CPNE7: variants seen among roughly 807,000 people sequenced by gnomAD.
CPNE7 encodes the protein copine 7, also known as copine-7.
CPNE7 carries 78 observed loss-of-function variants against 66.5 expected under a neutral mutation model. The observed-to-expected ratio is 1.17, with a 90% CI of 0.98 to 1.42. The LOEUF is 1.42. CPNE7 is among the 40% of genes most tolerant of loss of function. The pLI is 0.00. For synonymous variants in CPNE7, 468 were observed against 336.7 expected, an observed-to-expected ratio of 1.39 and a Z score of -4.27; for missense variants, 1,012 against 776.6, an observed-to-expected ratio of 1.30 and a Z score of -3.60.
At chr16:89,587,674 C>T (rs1350256498) in intron 9 of CPNE7, 3 of 410,086 alleles carry the variant, frequency 7.3e-6, no homozygotes, top group East Asian at 7.7e-5. Flanking sequence ...CCCGCAGACC[C>T]CGCGTCACCC....
intron 2 of CPNE7, among the ~76,000 whole-genome samples, chr16:89,579,223 C>G (rs956992373): frequency 6.6e-6 from 1 of 151,076 alleles, no homozygotes; most frequent in African/African-American, 2.4e-5. Context: ...ACCTGGGAGG[C>G]AGAGGTTTCA....
At chr16:89,583,886 G>A (rs1176427608) in intron 3 of CPNE7, 115 bp downstream of exon 3, 13 of 1,445,186 alleles carry the variant, frequency 9.0e-6, no homozygotes, top group Non-Finnish European at 1.2e-5. Flanking sequence ...GCAGGAGCCG[G>A]CAGCTACACA....
rs534559082 is a variant in CPNE7 at position 89,583,861 on chromosome 16, G to A, written c.432+90G>A. On this transcript the variant is annotated intron_variant, in intron 3 of 14. Coordinates refer to ENST00000319518, the MANE Select transcript of CPNE7 (RefSeq NM_153636.3). ...GGCGGAAGATGGGCAGCAGCGTGCC[G>A]TCCAGGGAGGGTCTGCAGGAGCCGG... The A allele has an allele frequency of 2.6e-3, 3,832 of 1,499,588 alleles. 111 individuals are homozygous for A. The South Asian group carries it at 0.04, about 16-fold the overall frequency. The allele number at this position is 1,499,588 out of a possible 1,614,324, so 92.9% of individuals were successfully genotyped here. A position where few individuals can be genotyped will look rare whatever the true frequency, so the allele number is the denominator to read the frequency against.
intron 2 of CPNE7, among the ~76,000 whole-genome samples, chr16:89,581,224 C>T (rs529927311): frequency 7.9e-5 from 12 of 151,024 alleles, no homozygotes; most frequent in African/African-American, 2.2e-4. Context: ...TCACATGGAA[C>T]ATCCCATCAC....
Position 89,591,222 on chromosome 16 carries a change from C to A in CPNE7, c.1264C>A (p.Arg422Ser). ...NVAPIISKVA[R>S]VAAAEESTGK... The stretch of plus-strand genomic sequence containing the variant: ...GGCGCCCATCATCTCCAAGGTGGCA[C>A]GCGTGGCGGCGGCCGAGGAGAGCAC... Residue 422 changes from arginine to serine, a missense_variant, in exon 13 of 15, where the codon CGC becomes AGC. Coordinates refer to ENST00000319518, the MANE Select transcript of CPNE7 (RefSeq NM_153636.3). 1 of 1,588,152 alleles carries A rather than the reference C, an allele frequency of 6.3e-7. No individual in the cohort carries two copies. Among genetic ancestry groups the A allele is most frequent in the South Asian group, 1.1e-5 (1 of 88,286 alleles).
At chr16:89,578,865 A>G (rs2151427303) in intron 2 of CPNE7, 1 of 1,612,230 alleles carries the variant, frequency 6.2e-7, no homozygotes, top group East Asian at 2.2e-5. Flanking sequence ...AGCCAGCCCA[A>G]AAGTGGCTTC....
chr16:89,576,654 C>A (rs1210726000), intron 1 of CPNE7, among the ~76,000 whole-genome samples: 1 of 152,178 alleles, frequency 6.6e-6, no homozygotes, highest in Admixed American at 6.5e-5. Context: ...GGCTTCACCT[C>A]GAAAGGGCGA....
intron 9 of CPNE7, among the ~76,000 whole-genome samples, chr16:89,588,392 C>T (rs35251956): frequency 0.22 from 33,691 of 152,060 alleles, 3,883 homozygotes; most frequent in South Asian, 0.25. Flanking sequence ...AGGGGTTGGG[C>T]GGCCACTAAG....
intron 1 of CPNE7, among the ~76,000 whole-genome samples, chr16:89,576,699 A>T (rs893036411): frequency 3.9e-5 from 6 of 152,124 alleles, no homozygotes; most frequent in African/African-American, 1.4e-4. Flanking sequence ...CGGGCGGAGG[A>T]GCCGGAACTC....
Position 89,584,821 on chromosome 16 carries a change from C to G in CPNE7, c.555C>G (p.Asn185Lys), listed in dbSNP as rs779772134. ...CCTTCCTGGAGCTCTACAGGGTCAA[C>G]GACGACCAGGGCTTGCAGCTGGTGT... Reference protein sequence around the residue: ...SDPFLELYRVNDDQGLQLVYR... With the variant: ...SDPFLELYRVKDDQGLQLVYR... Residue 185 changes from asparagine to lysine, a missense_variant, in exon 5 of 15, where the codon AAC becomes AAG. Physicochemically the swap from Asn to Lys is moderately conservative, Grantham distance 94. Coordinates refer to ENST00000319518, the MANE Select transcript of CPNE7 (RefSeq NM_153636.3). The surrounding 1 kb of genome is among the most constrained non-coding windows in gnomAD (Gnocchi z 6.0). The G allele has an allele frequency of 6.2e-7, 1 of 1,613,514 alleles. No homozygotes were observed. The highest frequency in any genetic ancestry group is 8.5e-7 in the Non-Finnish European group (1 of 1,179,964).
Position 89,575,784 on chromosome 16 carries a change from C to A in CPNE7, c.-114C>A. On this transcript the variant is annotated 5_prime_UTR_variant, in exon 1 of 15. Coordinates refer to ENST00000319518, the MANE Select transcript of CPNE7 (RefSeq NM_153636.3). ...CGTGCGCCCGCGCCCGGCAGGCGTT[C>A]AGGGAAGCGCGGCCACGCCTGGGCC... The A allele has an allele frequency of 1.3e-6, 1 of 791,226 alleles. No homozygotes were observed. The highest frequency in any genetic ancestry group is 5.8e-5 in the South Asian group (1 of 17,214). 49.0% of individuals were successfully genotyped at this position (791,226 alleles called of 1,614,324 possible). A position where few individuals can be genotyped will look rare whatever the true frequency, so the allele number is the denominator to read the frequency against.
intron 2 of CPNE7, 47 bp downstream of exon 2, chr16:89,577,768 G>T: frequency 1.3e-6 from 2 of 1,536,098 alleles, no homozygotes; most frequent in Non-Finnish European, 1.8e-6. Context: ...TGGCGTGGGG[G>T]CCACAGCCGA....
chr16:89,586,636 C>T (rs895450117), intron 7 of CPNE7, 34 bp from the exon 8 acceptor site: 1 of 1,575,974 alleles, frequency 6.3e-7, no homozygotes. Flanking sequence ...TCAGAGCCAC[C>T]ACTCTGGGGG....
rs778420830 is a variant in CPNE7 at position 89,596,507 on chromosome 16, G to A, written c.1563G>A (p.Lys521=). Residue 521 remains lysine, a synonymous_variant, in exon 15 of 15, where the codon AAG becomes AAA. Transcript: ENST00000319518. ...LKNASPAALA[K]CVLAEVPKQV... Reference sequence around the variant, plus strand: ...AGGCATCCCCTGCGGCGCTGGCCAAGTGCGTGCTGGCCGAGGTCCCGAAGC... The same window carrying A: ...AGGCATCCCCTGCGGCGCTGGCCAAATGCGTGCTGGCCGAGGTCCCGAAGC... 1 of 1,609,760 alleles carries A rather than the reference G, an allele frequency of 6.2e-7. No homozygotes were observed. The highest frequency in any genetic ancestry group is 8.5e-7 in the Non-Finnish European group (1 of 1,179,662).
At chr16:89,576,697 G>T (rs1385072973) in intron 1 of CPNE7, among the ~76,000 whole-genome samples, 1 of 152,154 alleles carries the variant, frequency 6.6e-6, no homozygotes, top group Non-Finnish European at 1.5e-5. Context: ...AGCGGGCGGA[G>T]GAGCCGGAAC....
intron 2 of CPNE7, 67 bp downstream of exon 2, chr16:89,577,788 G>A: frequency 1.5e-5 from 23 of 1,501,646 alleles, no homozygotes; most frequent in Non-Finnish European, 2.1e-5. Context: ...ATTCAAGGCT[G>A]ATGTACCAGC....
intron 2 of CPNE7, among the ~76,000 whole-genome samples, chr16:89,579,701 A>G (rs1014827698): frequency 1.4e-5 from 2 of 145,650 alleles, no homozygotes; most frequent in Non-Finnish European, 3.0e-5. Context: ...ATCTGCTCAC[A>G]TGGAACATCC....
In CPNE7 at chr16:89,579,918, G is replaced by A. The variant is rs74795073; in HGVS notation, c.357+2197G>A. ...TCTCACCCATCACACGGAACATCCC[G>A]TCACCCGCTGACACAGAACATCTCA... On this transcript the variant is annotated intron_variant, in intron 2 of 14. Coordinates refer to ENST00000319518, the MANE Select transcript of CPNE7 (RefSeq NM_153636.3). 4.3e-4 allele frequency among the ~76,000 whole-genome samples: 18 copies of A among 41,846 alleles called. 3 individuals are homozygous for A. Among genetic ancestry groups the A allele is most frequent in the East Asian group, 9.0e-4 (2 of 2,214 alleles). The allele number at this position is 41,846 out of a possible 152,430, so 27.5% of individuals were successfully genotyped here. A position where few individuals can be genotyped will look rare whatever the true frequency, so the allele number is the denominator to read the frequency against.
At chr16:89,596,066 G>A in intron 14 of CPNE7, 1 of 447,506 alleles carries the variant, frequency 2.2e-6, no homozygotes, top group East Asian at 5.3e-5. Flanking sequence ...ATGCCACATA[G>A]ATGTGAAGTT....
Sources: allele counts gnomAD v4.1 joint callset (sites outside exome capture counted in the v4.1 genomes callset), GRCh38; gene constraint gnomAD v4.1.1; non-coding constraint Gnocchi (gnomAD v3.1); transcripts MANE v1.5; gene names NCBI Gene and HGNC (gene_info 2026-07-23, HGNC 2026-07-21).